Variants in PIP5K1C observed in about 807,000 individuals in gnomAD.
PIP5K1C encodes the protein phosphatidylinositol 4-phosphate 5-kinase type-1 gamma.
Under a neutral mutation model 80.1 loss-of-function variants are expected in PIP5K1C, and 45 were observed. The observed-to-expected ratio is 0.56, with a 90% CI of 0.44 to 0.72. The LOEUF (loss-of-function observed/expected upper bound fraction) is 0.72. Among genes scored for constraint, PIP5K1C ranks in the 30% least tolerant of loss-of-function variants. The pLI is 0.00. For missense variants in PIP5K1C, 753 were observed against 954.6 expected (o/e 0.79, Z 2.78); for synonymous variants, 498 against 420.1 (o/e 1.19, Z -2.27).
chr19:3,688,106 C>T lies in PIP5K1C; in HGVS notation c.94+12191G>A, dbSNP rs1228084285. 2.6e-5 allele frequency among the ~76,000 whole-genome samples: 4 copies of T among 152,114 alleles called. No homozygotes were observed. The highest frequency in any genetic ancestry group is 7.2e-5 in the African/African-American group (3 of 41,420). ...GGGGAAGCCCGGCCCGTGCGGGCTG[C>T]GGGAGATCCTGATGGGCCCCGAGCT... is the stretch of plus-strand genomic sequence containing the variant. On this transcript the variant is annotated intron_variant, in intron 1 of 17. Coordinates refer to ENST00000335312, the MANE Select transcript of PIP5K1C (RefSeq NM_012398.3). This position sits in a 1 kb window ranked among gnomAD's most constrained non-coding sequence, Gnocchi z 5.3.
rs552536117 is a variant in PIP5K1C at position 3,637,887 on chromosome 19, C to T, written c.1920+997G>A. 1.5e-5 allele frequency: 23 copies of T among 1,535,376 alleles called. No individual in the cohort carries two copies. The African/African-American group carries it at 2.5e-4, about 16-fold the overall frequency. ...CCCCCGTACCATCCGGAGACCAGGA[C>T]GCGCACAAACCAGTCCCAGGAAAAG... On this transcript the variant is annotated intron_variant, in intron 16 of 17. Transcript: ENST00000335312. This position sits in a 1 kb window ranked among gnomAD's most constrained non-coding sequence, Gnocchi z 7.0.
intron 1 of PIP5K1C, among the ~76,000 whole-genome samples, chr19:3,691,552 C>T (rs553515787): frequency 1.6e-4 from 24 of 149,310 alleles, no homozygotes; most frequent in Non-Finnish European, 3.3e-4. Context: ...CGCAAACAGT[C>T]GGGAGTCAAA....
intron 4 of PIP5K1C, among the ~76,000 whole-genome samples, 175 bp from the exon 5 acceptor site, chr19:3,661,258 C>A (rs561105302): frequency 6.3e-4 from 96 of 152,320 alleles, no homozygotes; most frequent in African/African-American, 2.3e-3. Flanking sequence ...GGACTGTCCC[C>A]CAGTAACCAC....
intron 9 of PIP5K1C, 73 bp from the exon 10 acceptor site, chr19:3,647,459 C>G (rs1311052435): frequency 6.3e-6 from 8 of 1,261,940 alleles, no homozygotes; most frequent in Non-Finnish European, 9.0e-6. Flanking sequence ...TCAGGGGCCA[C>G]TGTGCACCCC....
chr19:3,643,734 C>T (rs2034085316), intron 12 of PIP5K1C, among the ~76,000 whole-genome samples: 1 of 150,564 alleles, frequency 6.6e-6, no homozygotes, highest in African/African-American at 2.4e-5. Flanking sequence ...GCTGTTCCCT[C>T]AGCAGGTGTG....
intron 15 of PIP5K1C, among the ~76,000 whole-genome samples, chr19:3,640,149 T>C (rs2033900942): frequency 6.6e-6 from 1 of 152,160 alleles, no homozygotes; most frequent in Non-Finnish European, 1.5e-5. Context: ...GCAAAAATCA[T>C]TACAAAGGCA....
chr19:3,646,749 C>T (rs1213897836), intron 10 of PIP5K1C, among the ~76,000 whole-genome samples: 1 of 152,218 alleles, frequency 6.6e-6, no homozygotes, highest in Non-Finnish European at 1.5e-5. Context: ...GGACCTTCTA[C>T]ACGCTCTTTT....
intron 1 of PIP5K1C, among the ~76,000 whole-genome samples, chr19:3,675,474 G>A (rs2035329375): frequency 6.6e-6 from 1 of 152,156 alleles, no homozygotes; most frequent in Non-Finnish European, 1.5e-5. Flanking sequence ...GTAGAACTGA[G>A]TTCAACCTTT....
intron 1 of PIP5K1C, among the ~76,000 whole-genome samples, chr19:3,671,961 T>C (rs562375229): frequency 6.6e-6 from 1 of 152,324 alleles, no homozygotes; most frequent in African/African-American, 2.4e-5. Flanking sequence ...CGAGCCGCGC[T>C]GCGGAGCCGG....
chr19:3,679,838 C>T (rs2035531742), intron 1 of PIP5K1C, among the ~76,000 whole-genome samples: 1 of 152,226 alleles, frequency 6.6e-6, no homozygotes, highest in Admixed American at 6.5e-5. Context: ...GCGCTGGGCA[C>T]GCATGGTGGA....
At chr19:3,634,280 C>T (rs1443502980) in intron 16 of PIP5K1C, among the ~76,000 whole-genome samples, 1 of 152,092 alleles carries the variant, frequency 6.6e-6, no homozygotes, top group Non-Finnish European at 1.5e-5. Flanking sequence ...CGTCCCGCCT[C>T]CTGAGGAGCC....
chr19:3,666,670 C>T (rs1317560954), intron 2 of PIP5K1C, among the ~76,000 whole-genome samples: 1 of 152,012 alleles, frequency 6.6e-6, no homozygotes, highest in African/African-American at 2.4e-5. Flanking sequence ...CATGCACACA[C>T]ACAAACGTGC....
Position 3,688,772 on chromosome 19 carries a change from G to A in PIP5K1C, c.94+11525C>T, listed in dbSNP as rs904081016. 2.6e-5 allele frequency among the ~76,000 whole-genome samples: 4 copies of A among 151,998 alleles called. No individual in the cohort carries two copies. Among genetic ancestry groups the A allele is most frequent in the East Asian group, 1.9e-4 (1 of 5,172 alleles). ...AGGAGAGTGGGGGGAGAACGAGAGC[G>A]AGAGACACACCGAGCTGGTGGGCCG... On this transcript the variant is annotated intron_variant, in intron 1 of 17. Transcript: ENST00000335312. This position sits in a 1 kb window ranked among gnomAD's most constrained non-coding sequence, Gnocchi z 5.3.
In PIP5K1C at chr19:3,644,262, G is replaced by T; in HGVS notation, c.1346-11C>A. 6.2e-7 allele frequency: 1 copy of T among 1,610,624 alleles called. No individual in the cohort carries two copies. Among genetic ancestry groups the T allele is most frequent in the Middle Eastern group, 1.7e-4 (1 of 6,004 alleles). ...GCGAGGACTTCAGGGCTGCAGGGAA[G>T]GGTGGGGGTTGGTGCTTGGGGTTGC... On this transcript the variant is annotated splice_polypyrimidine_tract_variant and intron_variant, in intron 11 of 17. Coordinates refer to ENST00000335312, the MANE Select transcript of PIP5K1C (RefSeq NM_012398.3).
chr19:3,664,963 CG>C, intron 2 of PIP5K1C, 49 bp from the exon 3 acceptor site: 1 of 1,407,898 alleles, frequency 7.1e-7, no homozygotes, highest in Non-Finnish European at 1.0e-6. Flanking sequence ...GCACGCCCAC[CG>C]GGACAGGGCA....
At chr19:3,676,640 C>T (rs950226997) in intron 1 of PIP5K1C, among the ~76,000 whole-genome samples, 3 of 152,110 alleles carry the variant, frequency 2.0e-5, no homozygotes, top group African/African-American at 7.2e-5. Flanking sequence ...TTTGACAGGC[C>T]GGGAAATGGG....
At position 3,643,395 on chromosome 19, in the gene PIP5K1C, A is replaced by T. The variant is rs115336798; in HGVS notation, c.1511-14T>A. Reference sequence around the variant, plus strand: ...GGTCGGGCCGGCCTGAGGGGAGAGGACTGTGGGCACCTTGCGGAGCCTCCG... The same window carrying T: ...GGTCGGGCCGGCCTGAGGGGAGAGGTCTGTGGGCACCTTGCGGAGCCTCCG... On this transcript the variant is annotated splice_polypyrimidine_tract_variant and intron_variant, in intron 12 of 17. Transcript: ENST00000335312. 1.2e-6 allele frequency: 2 copies of T among 1,612,874 alleles called. No homozygotes were observed. The highest frequency in any genetic ancestry group is 2.7e-5 in the African/African-American group (2 of 74,962).
In PIP5K1C at chr19:3,637,466, G is replaced by T. The variant is rs893852621; in HGVS notation, c.1920+1418C>A. ...GTCAGACACTGAGCTTCCGGCCGGG[G>T]ACCTGCGGCTCCCTGCTGCCCGAGG... On this transcript the variant is annotated intron_variant, in intron 16 of 17. Transcript: ENST00000335312. This position sits in a 1 kb window ranked among gnomAD's most constrained non-coding sequence, Gnocchi z 7.0. The T allele has an allele frequency of 2.0e-6, 3 of 1,535,584 alleles. No individual in the cohort carries two copies. In the African/African-American group the frequency reaches 4.1e-5, roughly 21 times the overall value.
At position 3,696,027 on chromosome 19, in the gene PIP5K1C, G is replaced by A. The variant is rs1043162248; in HGVS notation, c.94+4270C>T. Among the ~76,000 whole-genome samples, 11 of 152,238 alleles carry A rather than the reference G, an allele frequency of 7.2e-5. No homozygotes were observed. Among genetic ancestry groups the A allele is most frequent in the African/African-American group, 9.6e-5 (4 of 41,550 alleles). On this transcript the variant is annotated intron_variant, in intron 1 of 17. Coordinates refer to ENST00000335312, the MANE Select transcript of PIP5K1C (RefSeq NM_012398.3). The surrounding 1 kb of genome is among the most constrained non-coding windows in gnomAD (Gnocchi z 4.1). Reference sequence around the variant, plus strand: ...ATTACAGGTGTGAGCCACCGTGCCCGGCCTCCCTGACCTTTTTACACAGAC... The same window carrying A: ...ATTACAGGTGTGAGCCACCGTGCCCAGCCTCCCTGACCTTTTTACACAGAC...
Sources: allele counts gnomAD v4.1 joint callset (sites outside exome capture counted in the v4.1 genomes callset), GRCh38; gene constraint gnomAD v4.1.1; non-coding constraint Gnocchi (gnomAD v3.1); transcripts MANE v1.5; gene names NCBI Gene and HGNC (gene_info 2026-07-23, HGNC 2026-07-21).